Variants in VPS45 observed in about 807,000 individuals in gnomAD.
The protein encoded by VPS45 is vacuolar protein sorting 45 homolog, also known as vacuolar protein sorting-associated protein 45.
VPS45 carries 35 observed loss-of-function variants against 75.9 expected under a neutral mutation model. The ratio of observed to expected loss-of-function variants is 0.46; its 90% confidence interval spans 0.35 to 0.61. The LOEUF (loss-of-function observed/expected upper bound fraction) is 0.61, where lower values mean the gene tolerates loss of function less well. Ranked by LOEUF, VPS45 falls within the 20% of genes least tolerant of loss-of-function variation. VPS45 has a pLI of 0.00. For missense variants in VPS45, 559 were observed against 685.9 expected (o/e 0.81, Z 2.07); for synonymous variants, 220 against 238.2 (o/e 0.92, Z 0.70).
chr1:150,090,765 A>G (rs587731553), intron 10 of VPS45, among the ~76,000 whole-genome samples: 2 of 152,282 alleles, frequency 1.3e-5, no homozygotes, highest in African/African-American at 4.8e-5. Context: ...TAAAAATACC[A>G]TATGGAGACA....
rs1233278099 is a variant in VPS45, at chr1:150,067,935, C to T, written c.78C>T (p.Leu26=). The T allele has an allele frequency of 2.5e-6, 4 of 1,614,060 alleles. No individual in the cohort carries two copies. The highest frequency in any genetic ancestry group is 1.7e-5 in the Admixed American group (1 of 60,004). Reference sequence around the variant, plus strand: ...GCGGGCCTGGTATGAAAGTACTTCTCATGGATAAAGAGACGGTGAGTTTGC... The same window carrying T: ...GCGGGCCTGGTATGAAAGTACTTCTTATGGATAAAGAGACGGTGAGTTTGC... ...EDSGPGMKVL[L]MDKETTGIVS... is the part of the protein sequence containing the mutation. The change falls in exon 1 of 15, where the codon CTC becomes CTT. Residue 26 remains leucine (L), a synonymous_variant. Transcript: ENST00000644510.
intron 14 of VPS45, among the ~76,000 whole-genome samples, chr1:150,117,390 C>T (rs74680426): frequency 0.021 from 3,240 of 150,716 alleles, 96 homozygotes; most frequent in African/African-American, 0.074. Context: ...GGCATGGTGA[C>T]AGGCACCTAT....
intron 14 of VPS45, among the ~76,000 whole-genome samples, chr1:150,135,059 G>A (rs587747130): frequency 1.3e-5 from 2 of 152,098 alleles, no homozygotes; most frequent in African/African-American, 4.8e-5. Context: ...TTCATATTAG[G>A]ATATGATTAG....
At chr1:150,114,836 G>A (rs587754916) in intron 14 of VPS45, among the ~76,000 whole-genome samples, 3 of 151,326 alleles carry the variant, frequency 2.0e-5, no homozygotes, top group South Asian at 2.1e-4. Context: ...ACAAGCCTGG[G>A]AGATTGAGGC....
chr1:150,067,691 C>G, upstream of VPS45: 1 of 663,084 alleles, frequency 1.5e-6, no homozygotes, highest in South Asian at 1.8e-5. Flanking sequence ...GCTTGGTCCC[C>G]TGTACACTCC....
At chr1:150,080,947 G>A (rs1158280308) in intron 7 of VPS45, among the ~76,000 whole-genome samples, 1 of 152,156 alleles carries the variant, frequency 6.6e-6, no homozygotes, top group Non-Finnish European at 1.5e-5. Context: ...TCATGCTGCA[G>A]AAAACCATAG....
rs1313365179 is a variant in VPS45 at position 150,090,009 on chromosome 1, A to G, written c.1105-1928A>G. On this transcript the variant is annotated intron_variant, in intron 10 of 14. Coordinates refer to ENST00000644510, the MANE Select transcript of VPS45 (RefSeq NM_007259.5). ...ATGGGAGGTTCCCCATTATCATCAT[A>G]GTCCCTAGTCAGTGTGAACAGAAGA... is the stretch of plus-strand genomic sequence containing the variant. 2.0e-5 allele frequency among the ~76,000 whole-genome samples: 3 copies of G among 152,352 alleles called. No homozygotes were observed. The East Asian group carries it at 5.8e-4, about 29-fold the overall frequency.
intron 7 of VPS45, among the ~76,000 whole-genome samples, chr1:150,078,143 G>A (rs587610926): frequency 1.3e-5 from 2 of 152,130 alleles, no homozygotes; most frequent in South Asian, 2.1e-4. Flanking sequence ...CATCTACTTC[G>A]TTCCCTACTT....
intron 13 of VPS45, among the ~76,000 whole-genome samples, chr1:150,103,970 A>G (rs587667693): frequency 6.6e-6 from 1 of 152,322 alleles, no homozygotes; most frequent in South Asian, 2.1e-4. Flanking sequence ...AAGTAAATAA[A>G]ATGTGTTTAT....
chr1:150,131,179 G>A (rs1372135809), intron 14 of VPS45, among the ~76,000 whole-genome samples: 1 of 151,978 alleles, frequency 6.6e-6, no homozygotes, highest in Non-Finnish European at 1.5e-5. Context: ...CATCATGCCC[G>A]TGCCAACCCT....
chr1:150,121,752 A>G (rs893983350), intron 14 of VPS45, among the ~76,000 whole-genome samples: 9 of 152,230 alleles, frequency 5.9e-5, no homozygotes, highest in Non-Finnish European at 4.4e-5. Context: ...TGTAAAGCCA[A>G]TAGTTGGTTC....
chr1:150,104,338 A>G (rs1431944040), intron 13 of VPS45, among the ~76,000 whole-genome samples: 1 of 152,212 alleles, frequency 6.6e-6, no homozygotes, highest in Non-Finnish European at 1.5e-5. Context: ...TGCAAAGGAC[A>G]TGATATCATT....
chr1:150,125,342 T>A (rs905033561), intron 14 of VPS45, among the ~76,000 whole-genome samples: 3 of 149,010 alleles, frequency 2.0e-5, no homozygotes, highest in Non-Finnish European at 3.0e-5. Context: ...TTACTTTTTT[T>A]ATTTATTTTT....
chr1:150,084,322 T>C (rs1430244474), intron 10 of VPS45, among the ~76,000 whole-genome samples: 4 of 152,152 alleles, frequency 2.6e-5, no homozygotes, highest in African/African-American at 9.7e-5. Context: ...AAGGCAGTAT[T>C]TTAGGAAATG....
chr1:150,107,531 C>G (rs781972102), intron 13 of VPS45, among the ~76,000 whole-genome samples: 1 of 152,182 alleles, frequency 6.6e-6, no homozygotes, highest in Non-Finnish European at 1.5e-5. Flanking sequence ...CTTACACTAG[C>G]CTTTTATTCT....
At chr1:150,071,808 T>G (rs933157148) in intron 2 of VPS45, among the ~76,000 whole-genome samples, 13 of 150,998 alleles carry the variant, frequency 8.6e-5, no homozygotes, top group Non-Finnish European at 1.6e-4. Context: ...AAAAAGAATT[T>G]TGAGCAAATG....
chr1:150,099,946 T>C (rs1656887760), intron 13 of VPS45, among the ~76,000 whole-genome samples: 1 of 151,570 alleles, frequency 6.6e-6, no homozygotes, highest in East Asian at 1.9e-4. Context: ...AAGGATGCCC[T>C]CTCTCACCAC....
chr1:150,095,830 G>A (rs1266769885), intron 13 of VPS45, among the ~76,000 whole-genome samples: 1 of 152,078 alleles, frequency 6.6e-6, no homozygotes, highest in Non-Finnish European at 1.5e-5. Flanking sequence ...CTAGTAAAGA[G>A]ATTTTTTTTT....
intron 14 of VPS45, among the ~76,000 whole-genome samples, chr1:150,144,348 A>G (rs11808823): frequency 0.087 from 13,255 of 152,268 alleles, 872 homozygotes; most frequent in South Asian, 0.24. Context: ...GACAGTTTCA[A>G]GAGTACAGAT....
Sources: allele counts gnomAD v4.1 joint callset (sites outside exome capture counted in the v4.1 genomes callset), GRCh38; gene constraint gnomAD v4.1.1; transcripts MANE v1.5; gene names NCBI Gene and HGNC (gene_info 2026-07-23, HGNC 2026-07-21).